Variants in SLC25A17 observed in about 807,000 individuals in gnomAD.
The protein encoded by SLC25A17 is peroxisomal membrane protein PMP34.
A neutral mutation model predicts 38.5 loss-of-function variants in SLC25A17; 26 were observed. That is an observed-to-expected ratio of 0.68 (90% CI 0.50 to 0.94). The LOEUF (loss-of-function observed/expected upper bound fraction) is 0.94, where lower values mean the gene tolerates loss of function less well. Among genes scored for constraint, SLC25A17 ranks in the 40% least tolerant of loss-of-function variants. SLC25A17 has a pLI of 0.00. For synonymous variants in SLC25A17, 139 were observed against 136.2 expected, an observed-to-expected ratio of 1.02 and a Z score of -0.14; for missense variants, 333 against 372.7, an observed-to-expected ratio of 0.89 and a Z score of 0.88.
In SLC25A17 at chr22:40,777,234, C is replaced by T. The variant is rs774597302; in HGVS notation, c.591G>A (p.Arg197=). 1 of 1,613,800 alleles carries T rather than the reference C, an allele frequency of 6.2e-7. No individual in the cohort carries two copies. Among genetic ancestry groups the T allele is most frequent in the African/African-American group, 1.3e-5 (1 of 74,916 alleles). The stretch of plus-strand genomic sequence containing the variant: ...TTTCAAAATCAAGGATTACCTTCAT[C>T]CGTTTCTTTAAAAGCTGCCGTTTTA... ...EGLKRQLLKK[R]MKLSSLDVFI... is the part of the protein sequence containing the mutation. The change falls in exon 6 of 9, where the codon CGG becomes CGA. Residue 197 remains arginine, a synonymous_variant. Coordinates refer to ENST00000435456, the MANE Select transcript of SLC25A17 (RefSeq NM_006358.4).
At chr22:40,817,368 A>T (rs2145718385) in intron 1 of SLC25A17, 1 of 152,424 alleles carries the variant, frequency 6.6e-6, no homozygotes, top group Admixed American at 6.5e-5. Context: ...TCGGCCTCTT[A>T]ATGGTTAGCC....
chr22:40,808,136 T>G (rs143227201), intron 1 of SLC25A17, among the ~76,000 whole-genome samples: 1 of 152,268 alleles, frequency 6.6e-6, no homozygotes, highest in East Asian at 1.9e-4. Flanking sequence ...TAACCATCTA[T>G]CTGAGTGGGA....
intron 4 of SLC25A17, among the ~76,000 whole-genome samples, chr22:40,791,790 G>A (rs1296092458): frequency 6.6e-6 from 1 of 152,166 alleles, no homozygotes; most frequent in African/African-American, 2.4e-5. Flanking sequence ...TACTGTTGGT[G>A]GGATTATAAA....
At chr22:40,817,343 T>C (rs997218696) in intron 1 of SLC25A17, 3 of 152,438 alleles carry the variant, frequency 2.0e-5, no homozygotes, top group South Asian at 2.1e-4. Context: ...CCTTTGCTGG[T>C]GCAATCTTAT....
chr22:40,770,820 C>T lies in SLC25A17; in HGVS notation c.*14G>A. 6.3e-7 allele frequency: 1 copy of T among 1,585,998 alleles called. No homozygotes were observed. The highest frequency in any genetic ancestry group is 8.6e-7 in the Non-Finnish European group (1 of 1,162,398). ...CCTCTTGAGCATCTTCGGAATTTTT[C>T]ATGGGAAGGCGTCTCAGTGTTGGTG... On this transcript the variant is annotated 3_prime_UTR_variant, in exon 9 of 9. Coordinates refer to ENST00000435456, the MANE Select transcript of SLC25A17 (RefSeq NM_006358.4).
At chr22:40,778,117 A>C (rs137999370) in intron 5 of SLC25A17, among the ~76,000 whole-genome samples, 3 of 152,356 alleles carry the variant, frequency 2.0e-5, no homozygotes, top group African/African-American at 7.2e-5. Flanking sequence ...GGAAAGGAGA[A>C]CCTGGCAATG....
chr22:40,803,840 G>A lies in SLC25A17; in HGVS notation c.55-4757C>T, dbSNP rs537649338. Among the ~76,000 whole-genome samples the A allele has an allele frequency of 1.2e-3, 180 of 144,502 alleles. 1 individual carries two copies. The highest frequency in any genetic ancestry group is 4.5e-3 in the African/African-American group (176 of 39,194). The allele number at this position is 144,502 out of a possible 152,430, so 94.8% of individuals were successfully genotyped here. On this transcript the variant is annotated intron_variant, in intron 1 of 8. Transcript: ENST00000435456. ...TTTTTGTTTTTTTTTTTTTTTTAAT[G>A]GCTAAGTTGGAAAGTGGCTCACCGT...
chr22:40,792,927 T>A (rs1004290534), intron 3 of SLC25A17, among the ~76,000 whole-genome samples: 45 of 152,218 alleles, frequency 3.0e-4, no homozygotes, highest in African/African-American at 1.0e-3. Flanking sequence ...CCCTTAATTT[T>A]CTTTAGTAAC....
In SLC25A17 at chr22:40,795,297, C is replaced by CT. The variant is rs1010479711; in HGVS notation, c.116-718dup. Among the ~76,000 whole-genome samples the CT allele has an allele frequency of 4.7e-3, 682 of 143,688 alleles. 5 individuals carry two copies. Among genetic ancestry groups the CT allele is most frequent in the South Asian group, 0.014 (62 of 4,526 alleles). 94.3% of individuals were successfully genotyped at this position (143,688 alleles called of 152,430 possible). ...AAAAGACGACAGAAAACATTTCTTC[C>CT]TTTTTTTTTTTTTGAGACGGAGTCT... On this transcript the variant is annotated intron_variant, in intron 2 of 8. Coordinates refer to ENST00000435456, the MANE Select transcript of SLC25A17 (RefSeq NM_006358.4).
intron 1 of SLC25A17, among the ~76,000 whole-genome samples, chr22:40,804,796 A>G (rs907663453): frequency 7.9e-5 from 12 of 152,138 alleles, no homozygotes; most frequent in African/African-American, 2.9e-4. Flanking sequence ...GATTGTGAGC[A>G]TCATCTGTTG....
At chr22:40,811,767 G>T (rs1230027907) in intron 1 of SLC25A17, among the ~76,000 whole-genome samples, 1 of 152,090 alleles carries the variant, frequency 6.6e-6, no homozygotes, top group Non-Finnish European at 1.5e-5. Flanking sequence ...CATCACCAAG[G>T]GGATGGCACC....
intron 1 of SLC25A17, among the ~76,000 whole-genome samples, chr22:40,802,264 A>G (rs2057490714): frequency 6.6e-6 from 1 of 152,200 alleles, no homozygotes; most frequent in Non-Finnish European, 1.5e-5. Context: ...ACCTATCTGG[A>G]TATCTTGAAG....
chr22:40,801,973 G>T (rs1372363156), intron 1 of SLC25A17, among the ~76,000 whole-genome samples: 1 of 152,068 alleles, frequency 6.6e-6, no homozygotes, highest in African/African-American at 2.4e-5. Context: ...TGTATTTTTA[G>T]TGGAGACGGG....
At chr22:40,801,642 T>TTACAAATCC (rs1275462675) in intron 1 of SLC25A17, among the ~76,000 whole-genome samples, 1 of 152,180 alleles carries the variant, frequency 6.6e-6, no homozygotes, top group Non-Finnish European at 1.5e-5. Context: ...CCACAAAGCT[T>TTACAAATCC]TACAAATCCT....
intron 3 of SLC25A17, among the ~76,000 whole-genome samples, chr22:40,793,478 C>A (rs1036977087): frequency 6.6e-6 from 1 of 152,272 alleles, no homozygotes; most frequent in East Asian, 1.9e-4. Flanking sequence ...CAAAGGCAGG[C>A]AGACAATATG....
chr22:40,797,891 C>T (rs2057444640), intron 2 of SLC25A17: 1 of 156,380 alleles, frequency 6.4e-6, no homozygotes, highest in African/African-American at 2.4e-5. Context: ...GCCACAAGGA[C>T]ATCTGATAAA....
At chr22:40,798,956 A>AG in intron 2 of SLC25A17, 67 bp downstream of exon 2, 1 of 1,188,238 alleles carries the variant, frequency 8.4e-7, no homozygotes, top group Non-Finnish European at 1.2e-6. Context: ...AAAAAAAAAA[A>AG]AAGAAATTAC....
In SLC25A17 at chr22:40,773,974, G is replaced by C. The variant is rs779405113; in HGVS notation, c.739C>G (p.Leu247Val). Residue 247 changes from leucine (L) to valine (V), a missense_variant, in exon 8 of 9, where the codon CTT becomes GTT. Coordinates refer to ENST00000435456, the MANE Select transcript of SLC25A17 (RefSeq NM_006358.4). The part of the protein sequence containing the change: ...LNPENRTLGS[L>V]RNILYLLHQR... ...TGAAGAAGATAGAGAATATTCCGAA[G>C]ACTTCCCAATGTTCTGTTTTCTGGG... The C allele has an allele frequency of 6.2e-7, 1 of 1,613,410 alleles. No individual in the cohort carries two copies. Among genetic ancestry groups the C allele is most frequent in the South Asian group, 1.1e-5 (1 of 91,066 alleles).
chr22:40,797,027 T>C (rs1370208135), intron 2 of SLC25A17, among the ~76,000 whole-genome samples: 1 of 152,218 alleles, frequency 6.6e-6, no homozygotes, highest in Non-Finnish European at 1.5e-5. Flanking sequence ...ATTAAGACTA[T>C]ATATTCTTAT....
Sources: allele counts gnomAD v4.1 joint callset (sites outside exome capture counted in the v4.1 genomes callset), GRCh38; gene constraint gnomAD v4.1.1; transcripts MANE v1.5; gene names NCBI Gene and HGNC (gene_info 2026-07-23, HGNC 2026-07-21).